The following TDRD10 variants were observed in gnomAD, a reference collection of about 807,000 sequenced individuals.
TDRD10 encodes tudor domain containing 10.
Under a neutral mutation model 48.0 loss-of-function variants are expected in TDRD10, and 40 were observed. That is an observed-to-expected ratio of 0.83 (90% CI 0.65 to 1.09). The LOEUF is 1.09. TDRD10 is among the 50% of genes least tolerant of loss of function. TDRD10 has a pLI of 0.00. For missense variants in TDRD10, 378 were observed against 434.7 expected, an observed-to-expected ratio of 0.87 and a Z score of 1.16; for synonymous variants, 162 against 170.4, an observed-to-expected ratio of 0.95 and a Z score of 0.38.
At chr1:154,531,845 T>A (rs1407273890) in intron 6 of TDRD10, among the ~76,000 whole-genome samples, 1 of 152,170 alleles carries the variant, frequency 6.6e-6, no homozygotes, top group Non-Finnish European at 1.5e-5. Flanking sequence ...GCGTTTACAA[T>A]CCCTGAGCTA....
At chr1:154,523,541 C>T (rs564398977) in intron 6 of TDRD10, among the ~76,000 whole-genome samples, 1 of 152,326 alleles carries the variant, frequency 6.6e-6, no homozygotes, top group East Asian at 1.9e-4. Context: ...CAAGGCTCTA[C>T]AGCCTCAGTC....
chr1:154,533,894 T>TATATATA (rs199523039), intron 6 of TDRD10, among the ~76,000 whole-genome samples: 39 of 110,504 alleles, frequency 3.5e-4, no homozygotes, highest in Admixed American at 7.5e-4. Flanking sequence ...TATATATATA[T>TATATATA]TTTTTTTTAA....
At chr1:154,505,694 A>T (rs1215423204) in intron 1 of TDRD10, among the ~76,000 whole-genome samples, 1 of 152,214 alleles carries the variant, frequency 6.6e-6, no homozygotes, top group Admixed American at 6.5e-5. Context: ...GAATCACAGG[A>T]CTGAGTTACC....
chr1:154,532,370 G>C (rs1422829233), intron 6 of TDRD10, among the ~76,000 whole-genome samples: 1 of 152,200 alleles, frequency 6.6e-6, no homozygotes. Flanking sequence ...GCCGCTCTGA[G>C]TGCGGCCCGC....
chr1:154,507,432 G>A (rs1187680711), intron 3 of TDRD10, 112 bp downstream of exon 3: 7 of 1,267,692 alleles, frequency 5.5e-6, no homozygotes, highest in Non-Finnish European at 7.8e-6. Context: ...CTTGGGATCT[G>A]CCTAGATTCT....
intron 6 of TDRD10, among the ~76,000 whole-genome samples, chr1:154,534,852 G>A (rs902824149): frequency 1.3e-5 from 2 of 152,202 alleles, no homozygotes; most frequent in African/African-American, 4.8e-5. Context: ...AGGTCAGCGT[G>A]GGGGAGAGAT....
Position 154,520,391 on chromosome 1 carries a change from C to T in TDRD10, c.212+17C>T, listed in dbSNP as rs147723171. 1 of 1,604,204 alleles carries T rather than the reference C, an allele frequency of 6.2e-7. No homozygotes were observed. Among genetic ancestry groups the T allele is most frequent in the Non-Finnish European group, 8.5e-7 (1 of 1,171,134 alleles). On this transcript the variant is annotated intron_variant, in intron 5 of 12. Transcript: ENST00000368482. ...CTGCAAATGGTAATGACTGTTCTTT[C>T]TTTGTTTTCTTTGGGAAGCAGCTCC...
At chr1:154,520,136 TG>T (rs1333649821) in intron 4 of TDRD10, among the ~76,000 whole-genome samples, 167 bp from the exon 5 acceptor site, 1 of 152,178 alleles carries the variant, frequency 6.6e-6, no homozygotes, top group African/African-American at 2.4e-5. Context: ...GACAGGGCTG[TG>T]GCCTTTCTTG....
At chr1:154,505,393 A>T (rs1314649936) in intron 1 of TDRD10, among the ~76,000 whole-genome samples, 1 of 152,178 alleles carries the variant, frequency 6.6e-6, no homozygotes, top group East Asian at 1.9e-4. Context: ...ATTACCAGGA[A>T]CTGGGACTAA....
At chr1:154,520,900 G>A (rs148823128) in intron 5 of TDRD10, among the ~76,000 whole-genome samples, 33 of 152,152 alleles carry the variant, frequency 2.2e-4, no homozygotes, top group African/African-American at 7.7e-4. Context: ...ACCACATCCG[G>A]CTAATTTTTG....
chr1:154,537,180 C>T (rs1039962204), intron 6 of TDRD10, among the ~76,000 whole-genome samples: 2 of 152,158 alleles, frequency 1.3e-5, no homozygotes, highest in Admixed American at 1.3e-4. Flanking sequence ...GAGGACTTTC[C>T]ATGAGACAGC....
Position 154,541,876 on chromosome 1 carries a change from C to T in TDRD10, c.370-148C>T, listed in dbSNP as rs75614144. On this transcript the variant is annotated intron_variant, in intron 6 of 12. Coordinates refer to ENST00000368482, the MANE Select transcript of TDRD10 (RefSeq NM_182499.4). ...ATGCCGTGAGGATGGAGAGAGTGGACGGATGTCTCAAAAGTCAGCTCTAAA... is the reference window on the plus strand; with the variant it reads ...ATGCCGTGAGGATGGAGAGAGTGGATGGATGTCTCAAAAGTCAGCTCTAAA... The T allele has an allele frequency of 6.1e-4, 409 of 675,060 alleles. 3 individuals are homozygous for T. The East Asian group carries it at 9.3e-3, about 15-fold the overall frequency. The allele number at this position is 675,060 out of a possible 1,614,324, so 41.8% of individuals were successfully genotyped here.
intron 11 of TDRD10, among the ~76,000 whole-genome samples, chr1:154,545,423 A>G (rs546389471): frequency 3.9e-5 from 6 of 152,302 alleles, no homozygotes; most frequent in East Asian, 1.9e-4. Context: ...GGGTTTCTCC[A>G]TAGGTGGAAA....
At chr1:154,534,830 C>G (rs1282125489) in intron 6 of TDRD10, among the ~76,000 whole-genome samples, 2 of 149,580 alleles carry the variant, frequency 1.3e-5, no homozygotes, top group Non-Finnish European at 3.0e-5. Context: ...AACACGCATC[C>G]AGGCAGTGTT....
In TDRD10 at chr1:154,521,344, C is replaced by T. The variant is rs200428370; in HGVS notation, c.234C>T (p.Gly78=). ...GCKCFAFVDL[G]SMQKVTLAIQ... is the part of the protein sequence containing the mutation. ...TCAGCTTTGCATTTGTAGATCTGGGCTCCATGCAGAAAGTGACACTTGCAA... is the reference window on the plus strand; with the variant it reads ...TCAGCTTTGCATTTGTAGATCTGGGTTCCATGCAGAAAGTGACACTTGCAA... The change falls in exon 6 of 13, where the codon GGC becomes GGT. Residue 78 remains glycine (G), a synonymous_variant. Transcript: ENST00000368482. 1.1e-5 allele frequency: 17 copies of T among 1,614,018 alleles called. No individual in the cohort carries two copies. Among genetic ancestry groups the T allele is most frequent in the Non-Finnish European group, 1.4e-5 (17 of 1,179,984 alleles).
At chr1:154,522,438 A>T (rs1694106535) in intron 6 of TDRD10, among the ~76,000 whole-genome samples, 1 of 152,220 alleles carries the variant, frequency 6.6e-6, no homozygotes, top group Non-Finnish European at 1.5e-5. Flanking sequence ...GGCAGTTAAC[A>T]AGGTCAGCCA....
At chr1:154,513,886 G>A (rs1693611048) in intron 4 of TDRD10, among the ~76,000 whole-genome samples, 1 of 152,126 alleles carries the variant, frequency 6.6e-6, no homozygotes, top group African/African-American at 2.4e-5. Flanking sequence ...AGAGATTTAA[G>A]GAGATTTAGA....
At chr1:154,509,858 G>A (rs190255713) in intron 4 of TDRD10, 2 of 985,420 alleles carry the variant, frequency 2.0e-6, no homozygotes, top group East Asian at 1.1e-4. Flanking sequence ...GGTTCCTGCA[G>A]TGGTCTGGGG....
intron 5 of TDRD10, among the ~76,000 whole-genome samples, chr1:154,520,827 T>G (rs930400640): frequency 6.9e-6 from 1 of 145,560 alleles, no homozygotes; most frequent in Admixed American, 6.8e-5. Context: ...AACTTCCACC[T>G]CCTAGGCTTA....
Sources: allele counts gnomAD v4.1 joint callset (sites outside exome capture counted in the v4.1 genomes callset), GRCh38; gene constraint gnomAD v4.1.1; transcripts MANE v1.5; gene names NCBI Gene and HGNC (gene_info 2026-07-23, HGNC 2026-07-21).